The following SNTG1 variants were observed in gnomAD, a reference collection of about 807,000 sequenced individuals.
The protein encoded by SNTG1 is syntrophin gamma 1, also known as gamma-1-syntrophin.
SNTG1 carries 39 observed loss-of-function variants against 74.7 expected under a neutral mutation model. That is an observed-to-expected ratio of 0.52 (90% CI 0.40 to 0.68). The LOEUF is 0.68. Among genes scored for constraint, SNTG1 ranks in the 30% least tolerant of loss-of-function variants. The pLI is 0.00. For synonymous variants in SNTG1, 254 were observed against 217.1 expected (o/e 1.17, Z -1.49); for missense variants, 685 against 609.5 (o/e 1.12, Z -1.30).
At chr8:50,063,783 A>G (rs549313859) in intron 1 of SNTG1, among the ~76,000 whole-genome samples, 108 of 152,340 alleles carry the variant, frequency 7.1e-4, no homozygotes, top group South Asian at 8.3e-4. Context: ...CACTAACTAA[A>G]GCAATTTAAC....
chr8:50,227,819 A>C (rs576953869), intron 2 of SNTG1, among the ~76,000 whole-genome samples: 5 of 151,880 alleles, frequency 3.3e-5, no homozygotes, highest in African/African-American at 4.8e-5. Flanking sequence ...CCCAATTCCT[A>C]GCCAAATTAA....
intron 3 of SNTG1, 130 bp downstream of exon 3, chr8:50,394,395 T>C (rs2092701731): frequency 1.2e-6 from 1 of 831,876 alleles, no homozygotes; most frequent in African/African-American, 1.7e-5. Context: ...CTCTTTTTCC[T>C]TCCAGATTAC....
chr8:50,173,609 G>A (rs2082886320), intron 2 of SNTG1, among the ~76,000 whole-genome samples: 1 of 152,120 alleles, frequency 6.6e-6, no homozygotes, highest in Non-Finnish European at 1.5e-5. Flanking sequence ...GCCTATTAAA[G>A]AGATTTCTAG....
intron 2 of SNTG1, among the ~76,000 whole-genome samples, chr8:50,247,144 G>A (rs552652442): frequency 4.6e-5 from 7 of 152,202 alleles, no homozygotes; most frequent in East Asian, 3.9e-4. Context: ...ATTAGGGAAC[G>A]AACAAGATGA....
Position 50,734,826 on chromosome 8 carries a change from CAT to C in SNTG1, c.1285-17166_1285-17165del, listed in dbSNP as rs746031621. On this transcript the variant is annotated intron_variant, in intron 17 of 18. Transcript: ENST00000642720. Reference sequence around the variant, plus strand: ...ATATATAGATATCTATATATATGGACATATATATATCTATATATATGGACATA... The same window carrying C: ...ATATATAGATATCTATATATATGGACATATATATCTATATATATGGACATA... 4.4e-4 allele frequency among the ~76,000 whole-genome samples: 28 copies of C among 62,962 alleles called. 1 individual carries two copies. The highest frequency in any genetic ancestry group is 1.1e-3 in the Admixed American group (7 of 6,254). 41.3% of individuals were successfully genotyped at this position (62,962 alleles called of 152,430 possible).
At chr8:50,271,439 A>G (rs1406785285) in intron 2 of SNTG1, among the ~76,000 whole-genome samples, 1 of 152,192 alleles carries the variant, frequency 6.6e-6, no homozygotes, top group African/African-American at 2.4e-5. Flanking sequence ...GCATCTGCAT[A>G]AAGTCTGAAA....
At chr8:50,050,269 T>A (rs1819455230) in intron 1 of SNTG1, among the ~76,000 whole-genome samples, 1 of 151,860 alleles carries the variant, frequency 6.6e-6, no homozygotes, top group Non-Finnish European at 1.5e-5. Flanking sequence ...AGAGAGGCCA[T>A]CATTATTGAT....
chr8:50,209,191 C>T (rs2084391302), intron 2 of SNTG1, among the ~76,000 whole-genome samples: 1 of 152,084 alleles, frequency 6.6e-6, no homozygotes, highest in Non-Finnish European at 1.5e-5. Flanking sequence ...CCCGCCATTG[C>T]TGAGGCTTGA....
intron 1 of SNTG1, among the ~76,000 whole-genome samples, chr8:49,952,756 G>C (rs1809834690): frequency 6.6e-6 from 1 of 152,176 alleles, no homozygotes; most frequent in Non-Finnish European, 1.5e-5. Flanking sequence ...GGCAGATTTG[G>C]AATGTGTTAC....
At chr8:50,783,635 A>G (rs1183415502) in intron 18 of SNTG1, among the ~76,000 whole-genome samples, 1 of 152,026 alleles carries the variant, frequency 6.6e-6, no homozygotes, top group Non-Finnish European at 1.5e-5. Context: ...GAACTCCCTG[A>G]CCCCTTGCAC....
intron 1 of SNTG1, among the ~76,000 whole-genome samples, chr8:50,081,500 A>G (rs1822406457): frequency 6.6e-6 from 1 of 151,404 alleles, no homozygotes; most frequent in Non-Finnish European, 1.5e-5. Flanking sequence ...TTCCTGTACT[A>G]TTTTTCTGTC....
chr8:50,425,855 A>G (rs2131491700), intron 4 of SNTG1, among the ~76,000 whole-genome samples: 1 of 152,298 alleles, frequency 6.6e-6, no homozygotes, highest in Non-Finnish European at 1.5e-5. Flanking sequence ...GTGCTGAAAT[A>G]AGCTTGCAGT....
chr8:50,182,416 G>T (rs1441685020), intron 2 of SNTG1, among the ~76,000 whole-genome samples: 1 of 151,988 alleles, frequency 6.6e-6, no homozygotes, highest in Non-Finnish European at 1.5e-5. Flanking sequence ...TTTTTATATT[G>T]CAGGGTATAA....
chr8:50,688,343 C>G (rs2095362120), intron 15 of SNTG1, among the ~76,000 whole-genome samples: 1 of 152,144 alleles, frequency 6.6e-6, no homozygotes, highest in Admixed American at 6.5e-5. Context: ...TGCCTATGTC[C>G]TGAATGGTAT....
intron 1 of SNTG1, among the ~76,000 whole-genome samples, chr8:49,987,333 A>C (rs1813258996): frequency 6.6e-6 from 1 of 152,238 alleles, no homozygotes. Flanking sequence ...AACAACCATA[A>C]AAATTAAAAT....
At chr8:50,679,507 C>T (rs1405251010) in intron 15 of SNTG1, among the ~76,000 whole-genome samples, 1 of 152,106 alleles carries the variant, frequency 6.6e-6, no homozygotes, top group African/African-American at 2.4e-5. Context: ...TGTAAGCATT[C>T]AATACATGTT....
chr8:50,438,957 C>G (rs943500140), intron 5 of SNTG1, among the ~76,000 whole-genome samples: 4 of 152,080 alleles, frequency 2.6e-5, no homozygotes, highest in Admixed American at 2.0e-4. Context: ...AAGTTTCACA[C>G]TAATAAAGCC....
At chr8:50,086,391 T>C (rs535006365) in intron 1 of SNTG1, among the ~76,000 whole-genome samples, 339 of 152,252 alleles carry the variant, frequency 2.2e-3, no homozygotes, top group Non-Finnish European at 3.6e-3. Flanking sequence ...ATGGACTGAA[T>C]TAATTTAGAA....
chr8:50,009,087 T>A (rs1049045225), intron 1 of SNTG1, among the ~76,000 whole-genome samples: 2 of 152,200 alleles, frequency 1.3e-5, no homozygotes, highest in Non-Finnish European at 2.9e-5. Flanking sequence ...CCATGCTTAT[T>A]TGTAAGGATA....
Sources: gnomAD v4.1 joint callset for allele counts (sites outside exome capture counted in the v4.1 genomes callset) on GRCh38, gnomAD v4.1.1 for gene constraint, MANE v1.5 for transcripts, NCBI Gene and HGNC (gene_info 2026-07-23, HGNC 2026-07-21) for gene names.